CACNA1A: variants seen among roughly 807,000 people sequenced by gnomAD.
The protein encoded by CACNA1A is calcium voltage-gated channel subunit alpha1 A.
CACNA1A carries 57 observed loss-of-function variants against 262.4 expected under a neutral mutation model. The observed-to-expected ratio is 0.22, with a 90% CI of 0.18 to 0.27. The LOEUF (loss-of-function observed/expected upper bound fraction) is 0.27, where lower values mean the gene tolerates loss of function less well. Among genes scored for constraint, CACNA1A ranks in the 10% least tolerant of loss-of-function variants. The probability of loss-of-function intolerance (pLI) is 1.00; values close to 1 mark genes in which losing one functional copy is unlikely to be tolerated. For missense variants in CACNA1A, 2,526 were observed against 3,562.8 expected (o/e 0.71, Z 7.41); for synonymous variants, 1,431 against 1,419.3 (o/e 1.01, Z -0.18).
intron 3 of CACNA1A, among the ~76,000 whole-genome samples, chr19:13,433,246 T>C (rs2060547015): frequency 6.7e-6 from 1 of 149,626 alleles, no homozygotes; most frequent in African/African-American, 2.5e-5. Flanking sequence ...TGAGCCGAGA[T>C]TGCGCCACTG....
At chr19:13,319,136 C>A (rs1420622121) in intron 10 of CACNA1A, among the ~76,000 whole-genome samples, 1 of 152,136 alleles carries the variant, frequency 6.6e-6, no homozygotes, top group East Asian at 1.9e-4. Flanking sequence ...TTCAAGCGAT[C>A]CTCCCGCCTC....
intron 8 of CACNA1A, 63 bp from the exon 9 acceptor site, chr19:13,332,988 G>C (rs779742672): frequency 5.2e-5 from 69 of 1,336,728 alleles, no homozygotes; most frequent in Non-Finnish European, 6.7e-5. Flanking sequence ...CCTTGGACCA[G>C]GAAGAAGGGT....
rs963376059 is a variant in CACNA1A at position 13,389,081 on chromosome 19, T to G, written c.540-17302A>C. Among the ~76,000 whole-genome samples the G allele has an allele frequency of 4.6e-5, 7 of 152,084 alleles. No homozygotes were observed. The South Asian group carries it at 1.4e-3, about 31-fold the overall frequency. On this transcript the variant is annotated intron_variant, in intron 3 of 46. Coordinates refer to ENST00000360228, the MANE Select transcript of CACNA1A (RefSeq NM_001127222.2). ...CCACGTCCAGCTAATTTTTGTATCT[T>G]TAATAGAGACAGGGTTTCACCATGT...
At chr19:13,408,977 A>G (rs1222469924) in intron 3 of CACNA1A, among the ~76,000 whole-genome samples, 1 of 152,212 alleles carries the variant, frequency 6.6e-6, no homozygotes, top group Non-Finnish European at 1.5e-5. Flanking sequence ...GAAAATAGAC[A>G]TACCGACTTC....
At chr19:13,373,932 G>T (rs779899841) in intron 3 of CACNA1A, among the ~76,000 whole-genome samples, 3 of 152,230 alleles carry the variant, frequency 2.0e-5, no homozygotes, top group Non-Finnish European at 4.4e-5. Flanking sequence ...TCTGTTGCAG[G>T]TGTGATGCCT....
chr19:13,371,104 T>G (rs1372915019), intron 4 of CACNA1A: 1 of 152,254 alleles, frequency 6.6e-6, no homozygotes, highest in Non-Finnish European at 1.5e-5. Context: ...AGAATTCAGG[T>G]GAGTAATTTA....
chr19:13,207,593 TCGGAGC>T lies in CACNA1A; in HGVS notation c.7235_7240del (p.Gly2412_Ser2413del). On this transcript the variant is annotated inframe_deletion, in exon 47 of 47. Coordinates refer to ENST00000360228, the MANE Select transcript of CACNA1A (RefSeq NM_001127222.2). The surrounding 1 kb of genome is among the most constrained non-coding windows in gnomAD (Gnocchi z 5.7). ...GCCCGGGCCATCGGCCTCGTCGTAG[TCGGAGC>T]CCCGGTAGTAGCCATGGTGCCGGGG... 2 of 1,481,832 alleles carry T rather than the reference TCGGAGC, an allele frequency of 1.3e-6. No individual in the cohort carries two copies. Among genetic ancestry groups the T allele is most frequent in the Non-Finnish European group, 1.8e-6 (2 of 1,116,440 alleles). The allele number at this position is 1,481,832 out of a possible 1,614,324, so 91.8% of individuals were successfully genotyped here. A position where few individuals can be genotyped will look rare whatever the true frequency, so the allele number is the denominator to read the frequency against.
chr19:13,442,799 A>G (rs1188680126), intron 3 of CACNA1A, among the ~76,000 whole-genome samples: 1 of 152,206 alleles, frequency 6.6e-6, no homozygotes, highest in African/African-American at 2.4e-5. Flanking sequence ...TCCCCCAGCC[A>G]TAGTGGAACC....
intron 28 of CACNA1A, 127 bp downstream of exon 28, chr19:13,257,223 C>A: frequency 2.9e-6 from 2 of 691,416 alleles, no homozygotes; most frequent in Non-Finnish European, 4.9e-6. Context: ...AGACTGGATT[C>A]GGTTGGGACA....
chr19:13,371,455 C>T (rs150307781), intron 4 of CACNA1A: 51 of 525,720 alleles, frequency 9.7e-5, no homozygotes, highest in Middle Eastern at 1.0e-3. Flanking sequence ...GCATGGCTCC[C>T]GATAGACAGT....
At chr19:13,452,636 A>C (rs2060936315) in intron 3 of CACNA1A, 2 of 385,850 alleles carry the variant, frequency 5.2e-6, no homozygotes, top group African/African-American at 2.0e-5. Context: ...AATGGGCATA[A>C]AGCACTCTGG....
At chr19:13,438,207 C>T (rs965641018) in intron 3 of CACNA1A, among the ~76,000 whole-genome samples, 2 of 152,194 alleles carry the variant, frequency 1.3e-5, no homozygotes, top group South Asian at 2.1e-4. Context: ...TGAAAATATG[C>T]TCTGAGGGCC....
At chr19:13,431,896 A>G (rs1261670440) in intron 3 of CACNA1A, among the ~76,000 whole-genome samples, 2 of 151,780 alleles carry the variant, frequency 1.3e-5, no homozygotes, top group African/African-American at 2.4e-5. Context: ...CACGAGATCA[A>G]GAGATTGACA....
chr19:13,470,320 C>T (rs182554033), intron 1 of CACNA1A, among the ~76,000 whole-genome samples: 39 of 152,254 alleles, frequency 2.6e-4, no homozygotes, highest in Non-Finnish European at 4.7e-4. Flanking sequence ...CATCACTCAA[C>T]CAAAACTCTT....
In CACNA1A at chr19:13,207,469, G is replaced by T. The variant is rs16057; in HGVS notation, c.7365C>A (p.Pro2455=). 7.0e-3 allele frequency: 10,324 copies of T among 1,479,534 alleles called. 634 individuals are homozygous for T. In the African/African-American group the frequency reaches 0.13, roughly 19 times the overall value. 91.7% of individuals were successfully genotyped at this position (1,479,534 alleles called of 1,614,324 possible). ...AGGCGCAGGCCGGGCCCGAGGCCCG[G>T]GGAGTCCTGGGCGAGCGCCCGGTGG... ...SGATGRSPRT[P]RASGPACASP... The change falls in exon 47 of 47, where the codon CCC becomes CCA. Residue 2455 remains proline (P), a synonymous_variant. Coordinates refer to ENST00000360228, the MANE Select transcript of CACNA1A (RefSeq NM_001127222.2). The surrounding 1 kb of genome is among the most constrained non-coding windows in gnomAD (Gnocchi z 5.7).
intron 10 of CACNA1A, among the ~76,000 whole-genome samples, chr19:13,321,486 C>T (rs1463178631): frequency 1.3e-5 from 2 of 152,104 alleles, no homozygotes; most frequent in Admixed American, 1.3e-4. Context: ...CTGAGAAATG[C>T]ATTGTTAGGC....
intron 31 of CACNA1A, among the ~76,000 whole-genome samples, chr19:13,240,597 T>G (rs551473126): frequency 4.1e-4 from 62 of 151,696 alleles, no homozygotes; most frequent in African/African-American, 1.5e-3. Flanking sequence ...GCAGTGACTG[T>G]GTGTGCGCAG....
intron 1 of CACNA1A, among the ~76,000 whole-genome samples, chr19:13,464,577 CT>C (rs942555718): frequency 8.4e-6 from 1 of 118,794 alleles, no homozygotes; most frequent in Non-Finnish European, 1.6e-5. Context: ...GAGACCGAGT[CT>C]TGCTCTTTCG....
intron 26 of CACNA1A, 176 bp from the exon 27 acceptor site, chr19:13,259,877 C>T (rs1054170263): frequency 4.0e-5 from 25 of 628,448 alleles, no homozygotes; most frequent in Non-Finnish European, 6.4e-5. Flanking sequence ...TAGGGGATGA[C>T]GTGTGCATCT....
Sources: allele counts gnomAD v4.1 joint callset (sites outside exome capture counted in the v4.1 genomes callset), GRCh38; gene constraint gnomAD v4.1.1; non-coding constraint Gnocchi (gnomAD v3.1); transcripts MANE v1.5; gene names NCBI Gene and HGNC (gene_info 2026-07-23, HGNC 2026-07-21).